The following ADD1 variants were observed in gnomAD, a reference collection of about 807,000 sequenced individuals.
ADD1 encodes the protein alpha-adducin.
ADD1 carries 24 observed loss-of-function variants against 80.5 expected under a neutral mutation model. The observed-to-expected ratio is 0.30, with a 90% CI of 0.22 to 0.42. The LOEUF (loss-of-function observed/expected upper bound fraction) is 0.42, where lower values mean the gene tolerates loss of function less well. ADD1 is among the 10% of genes least tolerant of loss of function. The pLI is 1.00. For missense variants in ADD1, 948 were observed against 1,019.0 expected, an observed-to-expected ratio of 0.93 and a Z score of 0.95; for synonymous variants, 373 against 393.8, an observed-to-expected ratio of 0.95 and a Z score of 0.63.
intron 4 of ADD1, among the ~76,000 whole-genome samples, chr4:2,885,635 A>G (rs531382564): frequency 6.7e-6 from 1 of 150,330 alleles, no homozygotes; most frequent in Non-Finnish European, 1.5e-5. Flanking sequence ...TTTGAGACAG[A>G]GACTTGCTCT....
chr4:2,848,585 C>T (rs1024291113), intron 1 of ADD1, among the ~76,000 whole-genome samples: 1 of 152,090 alleles, frequency 6.6e-6, no homozygotes, highest in Non-Finnish European at 1.5e-5. Context: ...TCTCCCACCT[C>T]TGACTCTGAA....
At chr4:2,907,232 A>T (rs139122560) in intron 10 of ADD1, 336 of 153,572 alleles carry the variant, frequency 2.2e-3, no homozygotes, top group Middle Eastern at 3.4e-3. Context: ...AGTTACGCAG[A>T]CAGTGCATTC....
chr4:2,921,712 T>A (rs1464946403), intron 14 of ADD1, among the ~76,000 whole-genome samples: 1 of 152,206 alleles, frequency 6.6e-6, no homozygotes, highest in Non-Finnish European at 1.5e-5. Flanking sequence ...TTCTCCTGGA[T>A]AATATCCTGA....
At chr4:2,903,850 G>A (rs1736599430) in intron 9 of ADD1, among the ~76,000 whole-genome samples, 1 of 152,202 alleles carries the variant, frequency 6.6e-6, no homozygotes, top group African/African-American at 2.4e-5. Flanking sequence ...GGACTCTGCA[G>A]ATGAGTTGGT....
At chr4:2,910,258 C>T (rs1468781159) in intron 13 of ADD1, among the ~76,000 whole-genome samples, 1 of 151,804 alleles carries the variant, frequency 6.6e-6, no homozygotes, top group Non-Finnish European at 1.5e-5. Context: ...CCAGAACTGT[C>T]TCTTTCACTT....
chr4:2,899,546 C>T, intron 9 of ADD1, 111 bp downstream of exon 9: 6 of 1,200,974 alleles, frequency 5.0e-6, no homozygotes, highest in Non-Finnish European at 7.3e-6. Flanking sequence ...TGAATACCTT[C>T]ACCTTCAAAG....
intron 4 of ADD1, among the ~76,000 whole-genome samples, chr4:2,885,049 A>G (rs1288322164): frequency 6.6e-6 from 1 of 152,100 alleles, no homozygotes; most frequent in Admixed American, 6.6e-5. Context: ...ACTATTTTTC[A>G]ACATTATTAG....
chr4:2,846,564 ACTATTT>A (rs1339904824), intron 1 of ADD1, among the ~76,000 whole-genome samples: 1 of 152,148 alleles, frequency 6.6e-6, no homozygotes, highest in Non-Finnish European at 1.5e-5. Context: ...TCATGCCTCC[ACTATTT>A]GGTTATCTTG....
intron 8 of ADD1, 62 bp downstream of exon 8, chr4:2,898,593 AT>A (rs750859298): frequency 2.8e-4 from 402 of 1,438,766 alleles, no homozygotes; most frequent in Non-Finnish European, 3.4e-4. Flanking sequence ...GTTCACATAG[AT>A]TTTTTTTTGA....
chr4:2,928,493 G>A lies in ADD1; in HGVS notation c.2370G>A (p.Leu790=). The change falls in exon 16 of 16, where the codon CTG becomes CTA. Residue 790 remains leucine, a synonymous_variant. Transcript: ENST00000683351. ...KKKKFRTPSF[L]KKSKKKSDS is the part of the protein sequence containing the mutation. Reference sequence around the variant, plus strand: ...AGAAGTTCCGTACCCCGTCCTTTCTGAAGAAGAGCAAGAAGAAGAGTGACT... The same window carrying A: ...AGAAGTTCCGTACCCCGTCCTTTCTAAAGAAGAGCAAGAAGAAGAGTGACT... The A allele has an allele frequency of 1.2e-6, 2 of 1,613,696 alleles. No homozygotes were observed. Among genetic ancestry groups the A allele is most frequent in the Non-Finnish European group, 1.7e-6 (2 of 1,179,964 alleles).
intron 9 of ADD1, chr4:2,903,016 ACT>A (rs1736434731): frequency 6.6e-6 from 1 of 151,556 alleles, no homozygotes; most frequent in South Asian, 2.1e-4. Context: ...ATGGAGTGAG[ACT>A]CTGTCTCAAA....
At chr4:2,858,088 A>G (rs1728331542) in intron 1 of ADD1, among the ~76,000 whole-genome samples, 2 of 152,232 alleles carry the variant, frequency 1.3e-5, no homozygotes, top group South Asian at 2.1e-4. Flanking sequence ...AAAAATGACC[A>G]TACGAAGCCG....
At chr4:2,845,965 G>C (rs1726139177) in intron 1 of ADD1, among the ~76,000 whole-genome samples, 1 of 152,074 alleles carries the variant, frequency 6.6e-6, no homozygotes, top group Non-Finnish European at 1.5e-5. Flanking sequence ...TTCTCAACCA[G>C]TTTCAACAGT....
chr4:2,911,415 CAT>C (rs1427954322), intron 13 of ADD1, among the ~76,000 whole-genome samples: 1 of 149,812 alleles, frequency 6.7e-6, no homozygotes, highest in Non-Finnish European at 1.5e-5. Flanking sequence ...GGCAGCATAA[CAT>C]GTAACCTGAA....
At chr4:2,852,181 T>TTTCTTCCTTTCTTC (rs1560138062) in intron 1 of ADD1, among the ~76,000 whole-genome samples, 55 of 55,916 alleles carry the variant, frequency 9.8e-4, no homozygotes, top group African/African-American at 3.8e-3. Context: ...TTTCTTTCTT[T>TTTCTTCCTTTCTTC]CTTTCTTTCT....
At position 2,929,236 on chromosome 4, in the gene ADD1, G is replaced by C. The variant is rs1056633180; in HGVS notation, c.*713G>C. 1 of 152,218 alleles carries C rather than the reference G, an allele frequency of 6.6e-6. No individual in the cohort carries two copies. The highest frequency in any genetic ancestry group is 1.5e-5 in the Non-Finnish European group (1 of 68,038). The allele number at this position is 152,218 out of a possible 1,614,324, so 9.4% of individuals were successfully genotyped here. On this transcript the variant is annotated 3_prime_UTR_variant, in exon 16 of 16. Transcript: ENST00000683351. ...GGGAAGGTATATCAGGAGGGGAAGA[G>C]GCCTTTCTAGAATTTTCTTTGAGCA...
chr4:2,877,401 AGTT>A (rs973988404), intron 2 of ADD1, among the ~76,000 whole-genome samples: 2 of 152,126 alleles, frequency 1.3e-5, no homozygotes, highest in African/African-American at 2.4e-5. Flanking sequence ...GATTTTGTTT[AGTT>A]GTTGTTACTG....
chr4:2,874,285 C>CAATTGTTTT (rs1398086835), intron 1 of ADD1, among the ~76,000 whole-genome samples: 4 of 152,038 alleles, frequency 2.6e-5, no homozygotes, highest in Non-Finnish European at 4.4e-5. Context: ...TTTAGTCCCC[C>CAATTGTTTT]AATTGTTTTC....
intron 1 of ADD1, among the ~76,000 whole-genome samples, chr4:2,855,695 A>G (rs567525470): frequency 7.9e-5 from 12 of 151,384 alleles, no homozygotes; most frequent in African/African-American, 2.9e-4. Context: ...TGGAGTGCAC[A>G]AGTTTTTTTC....
Sources: gnomAD v4.1 joint callset for allele counts (sites outside exome capture counted in the v4.1 genomes callset) on GRCh38, gnomAD v4.1.1 for gene constraint, MANE v1.5 for transcripts, NCBI Gene and HGNC (gene_info 2026-07-23, HGNC 2026-07-21) for gene names.